MAP4K4: variants seen among roughly 807,000 people sequenced by gnomAD.
MAP4K4 encodes the protein HPK/GCK-like kinase HGK.
A neutral mutation model predicts 189.6 loss-of-function variants in MAP4K4; 38 were observed. The observed-to-expected ratio is 0.20, with a 90% CI of 0.15 to 0.26. The LOEUF is 0.26. Among genes scored for constraint, MAP4K4 ranks in the 10% least tolerant of loss-of-function variants. The pLI is 1.00. For synonymous variants in MAP4K4, 610 were observed against 624.3 expected (o/e 0.98, Z 0.34); for missense variants, 1,054 against 1,726.9 (o/e 0.61, Z 6.91).
At chr2:101,776,798 G>A (rs927269410) in intron 2 of MAP4K4, among the ~76,000 whole-genome samples, 2 of 151,954 alleles carry the variant, frequency 1.3e-5, no homozygotes, top group Non-Finnish European at 2.9e-5. Flanking sequence ...TTTTTAATAT[G>A]GCTATGTTAA....
At chr2:101,726,910 G>A (rs1293958028) in intron 2 of MAP4K4, among the ~76,000 whole-genome samples, 1 of 152,148 alleles carries the variant, frequency 6.6e-6, no homozygotes, top group Non-Finnish European at 1.5e-5. Flanking sequence ...ACCAAATCTG[G>A]TGGGGGACTT....
intron 3 of MAP4K4, among the ~76,000 whole-genome samples, chr2:101,810,250 A>G (rs573028233): frequency 6.6e-6 from 1 of 152,232 alleles, no homozygotes; most frequent in South Asian, 2.1e-4. Flanking sequence ...TCTCCTGTAT[A>G]TTTTTTAAGG....
At position 101,858,159 on chromosome 2, in the gene MAP4K4, T is replaced by TAG. The variant is rs2097533809; in HGVS notation, c.1396-834_1396-833dup. Among the ~76,000 whole-genome samples, 2 of 152,180 alleles carry TAG rather than the reference T, an allele frequency of 1.3e-5. 1 individual carries two copies. Among genetic ancestry groups the TAG allele is most frequent in the African/African-American group, 4.8e-5 (2 of 41,442 alleles). ...GAGGAGACTGAGAAAAGGGGAGCTT[T>TAG]AGAGCATGCTAGGGATCATAGAGCC... On this transcript the variant is annotated intron_variant, in intron 13 of 32. Coordinates refer to ENST00000324219, the Ensembl canonical transcript of MAP4K4.
intron 3 of MAP4K4, among the ~76,000 whole-genome samples, chr2:101,822,468 T>C (rs1443199043): frequency 6.6e-6 from 1 of 152,264 alleles, no homozygotes; most frequent in African/African-American, 2.4e-5. Flanking sequence ...CTAAGATGAC[T>C]ACATGTCTTG....
At chr2:101,797,493 C>A in intron 3 of MAP4K4, 1 of 887,390 alleles carries the variant, frequency 1.1e-6, no homozygotes, top group Non-Finnish European at 1.5e-6. Context: ...GAGAGAAAAA[C>A]TAATGTGCCA....
intron 2 of MAP4K4, among the ~76,000 whole-genome samples, chr2:101,705,359 T>A (rs754461899): frequency 6.6e-6 from 1 of 152,176 alleles, no homozygotes; most frequent in African/African-American, 2.4e-5. Flanking sequence ...CAGTCATACA[T>A]TCTGTGTTGT....
chr2:101,764,465 T>C (rs2077749340), intron 2 of MAP4K4, among the ~76,000 whole-genome samples: 1 of 152,228 alleles, frequency 6.6e-6, no homozygotes, highest in African/African-American at 2.4e-5. Context: ...CCTACCTCTT[T>C]GAGGTTGATT....
chr2:101,803,377 T>C (rs942136706), intron 3 of MAP4K4, among the ~76,000 whole-genome samples: 1 of 152,110 alleles, frequency 6.6e-6, no homozygotes, highest in Non-Finnish European at 1.5e-5. Flanking sequence ...TTTAATTGTA[T>C]AGTGACATGC....
Position 101,733,247 on chromosome 2 carries a change from G to A in MAP4K4, c.123+34709G>A, listed in dbSNP as rs1297893377. Among the ~76,000 whole-genome samples, 9 of 152,304 alleles carry A rather than the reference G, an allele frequency of 5.9e-5. 1 individual carries two copies. Among genetic ancestry groups the A allele is most frequent in the African/African-American group, 9.6e-5 (4 of 41,570 alleles). On this transcript the variant is annotated intron_variant, in intron 2 of 32. Coordinates refer to ENST00000324219, the Ensembl canonical transcript of MAP4K4. ...CTTTGACTCCGAGGAAGGAAATGGC[G>A]ATGGGGGGATGCAGGGATGATGAGG...
At chr2:101,823,962 T>C in exon 4 of MAP4K4, 2 of 1,607,688 alleles carry the variant, frequency 1.2e-6, no homozygotes, top group Non-Finnish European at 1.7e-6. Flanking sequence ...GAGATAAATA[T>C]GCTAAAGAAA....
Position 101,877,156 on chromosome 2 carries a change from T to G in MAP4K4, c.3385+10T>G, listed in dbSNP as rs2098226627. The G allele has an allele frequency of 6.2e-7, 1 of 1,613,838 alleles. No individual in the cohort carries two copies. The highest frequency in any genetic ancestry group is 8.5e-7 in the Non-Finnish European group (1 of 1,179,762). On this transcript the variant is annotated intron_variant, in intron 27 of 32. Coordinates refer to ENST00000324219, the Ensembl canonical transcript of MAP4K4. ...TTGGTGACAATATCTGGTGAGTGTT[T>G]GTTTTGTAAACCAGAATATGTGACA...
chr2:101,773,792 A>G (rs1453122000), intron 2 of MAP4K4, among the ~76,000 whole-genome samples: 1 of 151,952 alleles, frequency 6.6e-6, no homozygotes, highest in African/African-American at 2.4e-5. Flanking sequence ...CCATGAGTTC[A>G]ATTGGTTTGA....
intron 24 of MAP4K4, 118 bp downstream of exon 24, chr2:101,871,803 T>G: frequency 1.1e-6 from 1 of 896,028 alleles, no homozygotes; most frequent in South Asian, 1.8e-5. Flanking sequence ...CCCTGCTTTC[T>G]CTGTCACCTA....
chr2:101,702,413 C>T (rs1329317626), intron 2 of MAP4K4, among the ~76,000 whole-genome samples: 4 of 151,628 alleles, frequency 2.6e-5, no homozygotes, highest in East Asian at 3.9e-4. Flanking sequence ...CTAAAAATAC[C>T]GAAAAATTAG....
intron 2 of MAP4K4, among the ~76,000 whole-genome samples, chr2:101,736,873 T>A (rs1160941754): frequency 2.0e-5 from 3 of 152,190 alleles, no homozygotes; most frequent in African/African-American, 7.2e-5. Context: ...TCTATTAAAT[T>A]TAAAGCAGTT....
In MAP4K4 at chr2:101,887,071, T is replaced by G; in HGVS notation, c.3622-17T>G. Reference sequence around the variant, plus strand: ...GTTCTCCTTCATCTTCTCACTTCTCTTATGGCTTCTTTGCAGTCATTTGGA... The same window carrying G: ...GTTCTCCTTCATCTTCTCACTTCTCGTATGGCTTCTTTGCAGTCATTTGGA... On this transcript the variant is annotated splice_polypyrimidine_tract_variant and intron_variant, in intron 29 of 32. Transcript: ENST00000324219. 1 of 1,506,044 alleles carries G rather than the reference T, an allele frequency of 6.6e-7. No homozygotes were observed. The highest frequency in any genetic ancestry group is 8.9e-7 in the Non-Finnish European group (1 of 1,122,690). 93.3% of individuals were successfully genotyped at this position (1,506,044 alleles called of 1,614,324 possible).
chr2:101,882,836 A>G, intron 28 of MAP4K4, 151 bp downstream of exon 28: 1 of 362,634 alleles, frequency 2.8e-6, no homozygotes, highest in Non-Finnish European at 3.8e-6. Context: ...TCTGTTTCCA[A>G]GGCACATTCT....
At position 101,868,014 on chromosome 2, in the gene MAP4K4, T is replaced by C. The variant is rs1055411880; in HGVS notation, c.2455-15T>C. 2 of 1,613,354 alleles carry C rather than the reference T, an allele frequency of 1.2e-6. No individual in the cohort carries two copies. Among genetic ancestry groups the C allele is most frequent in the East Asian group, 2.2e-5 (1 of 44,874 alleles). On this transcript the variant is annotated splice_polypyrimidine_tract_variant and intron_variant, in intron 20 of 32. Coordinates refer to ENST00000324219, the Ensembl canonical transcript of MAP4K4. ...GATGGCTTCTCGGACTCCACGAAAC[T>C]GCGCTGTACTGAAGGGCGAAGTGGT...
intron 5 of MAP4K4, among the ~76,000 whole-genome samples, chr2:101,827,050 C>T (rs2096394002): frequency 6.6e-6 from 1 of 152,122 alleles, no homozygotes; most frequent in South Asian, 2.1e-4. Context: ...ACATCAAAGA[C>T]AACTTACATG....
Sources: gnomAD v4.1 joint callset for allele counts (sites outside exome capture counted in the v4.1 genomes callset) on GRCh38, gnomAD v4.1.1 for gene constraint, MANE v1.5 for transcripts, NCBI Gene and HGNC (gene_info 2026-07-23, HGNC 2026-07-21) for gene names.